THADA: variants seen among roughly 807,000 people sequenced by gnomAD.
The protein encoded by THADA is tRNA (32-2'-O)-methyltransferase regulator THADA.
A neutral mutation model predicts 219.8 loss-of-function variants in THADA; 213 were observed. The observed-to-expected ratio is 0.97, with a 90% CI of 0.87 to 1.09. THADA has a LOEUF of 1.09. Ranked by LOEUF, THADA falls within the 50% of genes least tolerant of loss-of-function variation. The pLI is 0.00. For missense variants in THADA, 2,956 were observed against 2,311.3 expected (o/e 1.28, Z -5.72); for synonymous variants, 1,018 against 828.9 (o/e 1.23, Z -3.92).
intron 29 of THADA, among the ~76,000 whole-genome samples, chr2:43,385,127 T>G (rs1672486043): frequency 6.6e-6 from 1 of 151,534 alleles, no homozygotes; most frequent in Non-Finnish European, 1.5e-5. Flanking sequence ...GGCGACAAAG[T>G]GAGACTCTGT....
chr2:43,293,043 G>T lies in THADA; in HGVS notation c.4609C>A (p.Arg1537=). The change falls in exon 32 of 38, where the codon CGG becomes AGG. Residue 1537 remains arginine (R), a synonymous_variant. Coordinates refer to ENST00000405975, the MANE Select transcript of THADA (RefSeq NM_022065.5). ...AAAGAGATGGGGACATTCGTCTCCCGCTCTCCACTCTTGGCTGCCGCGGCC... is the reference window on the plus strand; with the variant it reads ...AAAGAGATGGGGACATTCGTCTCCCTCTCTCCACTCTTGGCTGCCGCGGCC... ...VWAAAAKSGE[R]ETNVPISFSQ... 6.2e-7 allele frequency: 1 copy of T among 1,613,928 alleles called. No homozygotes were observed. The highest frequency in any genetic ancestry group is 8.5e-7 in the Non-Finnish European group (1 of 1,179,886).
At chr2:43,552,777 T>C (rs1481080229) in intron 17 of THADA, among the ~76,000 whole-genome samples, 1 of 151,742 alleles carries the variant, frequency 6.6e-6, no homozygotes, top group Non-Finnish European at 1.5e-5. Context: ...TAATTAATTT[T>C]AGAACATTTT....
In THADA at chr2:43,271,745, G is replaced by C. The variant is rs1672146950; in HGVS notation, c.5296+8020C>G. Among the ~76,000 whole-genome samples, 4 of 151,582 alleles carry C rather than the reference G, an allele frequency of 2.6e-5. No individual in the cohort carries two copies. The South Asian group carries it at 8.3e-4, about 32-fold the overall frequency. ...TTCTCCTGCCTCAGCCTCCCGAGTA[G>C]CTGGGATTACAGGCATGCACCACCA... On this transcript the variant is annotated intron_variant, in intron 36 of 37. Coordinates refer to ENST00000405975, the MANE Select transcript of THADA (RefSeq NM_022065.5).
chr2:43,399,791 T>A (rs1334431002), intron 28 of THADA, among the ~76,000 whole-genome samples: 4 of 152,134 alleles, frequency 2.6e-5, no homozygotes. Context: ...GTTTAATCTG[T>A]AATTGGCAAA....
chr2:43,490,555 G>T (rs1190189945), intron 25 of THADA, among the ~76,000 whole-genome samples: 2 of 151,958 alleles, frequency 1.3e-5, no homozygotes, highest in African/African-American at 4.8e-5. Flanking sequence ...TGCCTCTTTT[G>T]TATCTGCTTA....
Position 43,270,182 on chromosome 2 carries a change from T to C in THADA, c.5296+9583A>G, listed in dbSNP as rs143467021. On this transcript the variant is annotated intron_variant, in intron 36 of 37. Transcript: ENST00000405975. ...TCCTGGGCCTCAGGAGTGGGTGTTG[T>C]AGACCTCGTTTTTCTACTCATTATG... is the stretch of plus-strand genomic sequence containing the variant. Among the ~76,000 whole-genome samples, 903 of 152,300 alleles carry C rather than the reference T, an allele frequency of 5.9e-3. 5 individuals carry two copies. Among genetic ancestry groups the C allele is most frequent in the Non-Finnish European group, 0.01 (687 of 68,030 alleles).
rs533074170 is a variant in THADA, at chr2:43,520,082, C to G, written c.3374+7797G>C. Among the ~76,000 whole-genome samples the G allele has an allele frequency of 1.7e-3, 263 of 152,302 alleles. 1 individual carries two copies. Among genetic ancestry groups the G allele is most frequent in the African/African-American group, 6.1e-3 (252 of 41,572 alleles). On this transcript the variant is annotated intron_variant, in intron 22 of 37. Coordinates refer to ENST00000405975, the MANE Select transcript of THADA (RefSeq NM_022065.5). ...TTGTTTTGGTTCTTCATCACACAAT[C>G]CAGGGCCTAGCAAGGATATAAAAAG...
At chr2:43,351,252 C>T (rs975604498) in intron 29 of THADA, among the ~76,000 whole-genome samples, 2 of 152,216 alleles carry the variant, frequency 1.3e-5, no homozygotes, top group Non-Finnish European at 2.9e-5. Flanking sequence ...AAAGAATGTG[C>T]TGGCACTAAA....
chr2:43,540,300 T>C (rs1225553646), intron 21 of THADA, among the ~76,000 whole-genome samples: 1 of 152,126 alleles, frequency 6.6e-6, no homozygotes, highest in African/African-American at 2.4e-5. Context: ...CCTTGCAACA[T>C]CACAAGCGCA....
chr2:43,539,643 T>C (rs1475480157), intron 21 of THADA, among the ~76,000 whole-genome samples: 1 of 152,216 alleles, frequency 6.6e-6, no homozygotes, highest in Non-Finnish European at 1.5e-5. Context: ...CGCCTATGTA[T>C]GTGAGGTTAC....
At position 43,292,897 on chromosome 2, in the gene THADA, G is replaced by A; in HGVS notation, c.4755C>T (p.Cys1585=). The A allele has an allele frequency of 6.2e-7, 1 of 1,613,980 alleles. No individual in the cohort carries two copies. The highest frequency in any genetic ancestry group is 8.5e-7 in the Non-Finnish European group (1 of 1,179,896). ...LGEKGVPPLL[C]NMGEKFLLLA... ...ACAATAAGAACTTCTCTCCCATGTT[G>A]CACAGCAAGGGTGGCACGCCCTTCT... Residue 1585 remains cysteine (C), a synonymous_variant, in exon 32 of 38, where the codon TGC becomes TGT. Coordinates refer to ENST00000405975, the MANE Select transcript of THADA (RefSeq NM_022065.5).
Position 43,326,373 on chromosome 2 carries a change from T to A in THADA, c.4344-5833A>T, listed in dbSNP as rs573595758. Among the ~76,000 whole-genome samples, 3 of 152,300 alleles carry A rather than the reference T, an allele frequency of 2.0e-5. No individual in the cohort carries two copies. In the South Asian group the frequency reaches 6.2e-4, roughly 32 times the overall value. On this transcript the variant is annotated intron_variant, in intron 30 of 37. Coordinates refer to ENST00000405975, the MANE Select transcript of THADA (RefSeq NM_022065.5). ...AGTGACCACAACAGAGGAAGTAGCATGTCCAAAGACTTGGGGACATGACAT... is the reference window on the plus strand; with the variant it reads ...AGTGACCACAACAGAGGAAGTAGCAAGTCCAAAGACTTGGGGACATGACAT...
chr2:43,498,188 C>A (rs1036237312), intron 25 of THADA, among the ~76,000 whole-genome samples: 1 of 151,890 alleles, frequency 6.6e-6, no homozygotes, highest in Admixed American at 6.6e-5. Flanking sequence ...GGCAAATCCA[C>A]AGAGACAGAA....
At chr2:43,496,402 T>A (rs1333174331) in intron 25 of THADA, among the ~76,000 whole-genome samples, 7 of 152,194 alleles carry the variant, frequency 4.6e-5, no homozygotes, top group African/African-American at 1.7e-4. Context: ...GTGAACATAT[T>A]ACAAAAGAAA....
At position 43,581,876 on chromosome 2, in the gene THADA, C is replaced by A. The variant is rs192535319; in HGVS notation, c.586G>T (p.Val196Leu). 6.2e-7 allele frequency: 1 copy of A among 1,601,712 alleles called. No homozygotes were observed. The highest frequency in any genetic ancestry group is 1.3e-5 in the African/African-American group (1 of 74,280). ...IQTQLMNDLL[V>L]GIRVSMMLVQ... is the part of the protein sequence containing the mutation. ...AACATCATTGAAACTCTAATGCCTA[C>A]CAGTAAGTCATTCATCAACTGTGTT... Residue 196 changes from valine (V) to leucine (L), a missense_variant, in exon 8 of 38, where the codon GTA becomes TTA. Physicochemically the swap from Val to Leu is conservative, Grantham distance 32. Coordinates refer to ENST00000405975, the MANE Select transcript of THADA (RefSeq NM_022065.5).
intron 30 of THADA, among the ~76,000 whole-genome samples, chr2:43,334,297 G>A (rs769670619): frequency 6.6e-6 from 1 of 152,052 alleles, no homozygotes; most frequent in Non-Finnish European, 1.5e-5. Context: ...CACATGAAAG[G>A]GCACATGGAG....
chr2:43,504,314 A>G (rs1689385641), intron 24 of THADA, among the ~76,000 whole-genome samples: 2 of 152,198 alleles, frequency 1.3e-5, no homozygotes, highest in Non-Finnish European at 2.9e-5. Flanking sequence ...GTGCCATATG[A>G]CTATGTTCCA....
intron 35 of THADA, among the ~76,000 whole-genome samples, 196 bp downstream of exon 35, chr2:43,286,712 T>C (rs958343275): frequency 4.0e-5 from 6 of 151,430 alleles, no homozygotes; most frequent in African/African-American, 1.5e-4. Flanking sequence ...GTGACAAGAG[T>C]GAAACTCCGT....
intron 26 of THADA, among the ~76,000 whole-genome samples, chr2:43,440,854 G>A (rs1179392283): frequency 6.6e-6 from 1 of 152,128 alleles, no homozygotes; most frequent in East Asian, 1.9e-4. Context: ...CTGAGAAAAG[G>A]GCAGTGGAGC....
Sources: gnomAD v4.1 joint callset for allele counts (sites outside exome capture counted in the v4.1 genomes callset) on GRCh38, gnomAD v4.1.1 for gene constraint, MANE v1.5 for transcripts, NCBI Gene and HGNC (gene_info 2026-07-23, HGNC 2026-07-21) for gene names.